CYYR1: variants seen among roughly 807,000 people sequenced by gnomAD.
The protein encoded by CYYR1 is cysteine and tyrosine rich 1.
Under a neutral mutation model 15.2 loss-of-function variants are expected in CYYR1, and 14 were observed. The observed-to-expected ratio is 0.92, with a 90% CI of 0.61 to 1.44. CYYR1 has a LOEUF of 1.44. Ranked by LOEUF, CYYR1 falls within the 40% of genes most tolerant of loss-of-function variation. The pLI, the probability that CYYR1 is intolerant of heterozygous loss-of-function variation, is 0.00. For missense variants in CYYR1, 228 were observed against 209.5 expected, an observed-to-expected ratio of 1.09 and a Z score of -0.54; for synonymous variants, 80 against 77.4, an observed-to-expected ratio of 1.03 and a Z score of -0.18.
At chr21:26,514,924 C>T (rs1312707707) in intron 2 of CYYR1, among the ~76,000 whole-genome samples, 2 of 152,188 alleles carry the variant, frequency 1.3e-5, no homozygotes, top group East Asian at 3.8e-4. Context: ...CTATATCATA[C>T]TTCTTCAATA....
At chr21:26,532,938 TG>T (rs1232741983) in intron 2 of CYYR1, among the ~76,000 whole-genome samples, 1 of 152,124 alleles carries the variant, frequency 6.6e-6, no homozygotes, top group Non-Finnish European at 1.5e-5. Flanking sequence ...TTATAAGGTA[TG>T]TATAAAACAT....
intron 2 of CYYR1, among the ~76,000 whole-genome samples, chr21:26,526,202 C>T (rs1424216576): frequency 6.6e-6 from 1 of 152,122 alleles, no homozygotes; most frequent in Non-Finnish European, 1.5e-5. Context: ...AATCCTAGCA[C>T]TTTGGGAGGC....
chr21:26,520,187 G>T (rs935053267), intron 2 of CYYR1, among the ~76,000 whole-genome samples: 7 of 147,006 alleles, frequency 4.8e-5, no homozygotes, highest in Non-Finnish European at 8.9e-5. Flanking sequence ...TGCCATGGTG[G>T]TTTGCTGCAC....
At chr21:26,526,823 T>A (rs2065872549) in intron 2 of CYYR1, among the ~76,000 whole-genome samples, 1 of 152,176 alleles carries the variant, frequency 6.6e-6, no homozygotes, top group South Asian at 2.1e-4. Context: ...TTAAGTTGTA[T>A]AATAATTTCT....
rs755437682 is a variant in CYYR1, at chr21:26,466,730, G to A, written c.*1771C>T. On this transcript the variant is annotated 3_prime_UTR_variant, in exon 4 of 4. Coordinates refer to ENST00000652641, the MANE Select transcript of CYYR1 (RefSeq NM_001320768.2). ...ACAGTGTAATTGGGTCTGACCACAC[G>A]CAGAAGAAAAATAAATTAAAGCATA... The A allele has an allele frequency of 2.6e-5, 4 of 152,128 alleles. No homozygotes were observed. Among genetic ancestry groups the A allele is most frequent in the Non-Finnish European group, 5.9e-5 (4 of 68,034 alleles). The allele number at this position is 152,128 out of a possible 1,614,324, so 9.4% of individuals were successfully genotyped here. A position where few individuals can be genotyped will look rare whatever the true frequency, so the allele number is the denominator to read the frequency against.
chr21:26,475,974 T>C (rs1431486131), intron 3 of CYYR1, among the ~76,000 whole-genome samples: 2 of 152,162 alleles, frequency 1.3e-5, no homozygotes, highest in Admixed American at 1.3e-4. Context: ...TTGTTTTTAA[T>C]ATTCAGTACA....
chr21:26,472,162 T>A (rs1443272606), intron 3 of CYYR1, among the ~76,000 whole-genome samples: 4 of 152,232 alleles, frequency 2.6e-5, no homozygotes, highest in Non-Finnish European at 5.9e-5. Flanking sequence ...GTATGGCCTA[T>A]ACTTTTTCAC....
intron 2 of CYYR1, among the ~76,000 whole-genome samples, chr21:26,506,403 A>G (rs933916617): frequency 1.3e-5 from 2 of 152,156 alleles, no homozygotes; most frequent in African/African-American, 4.8e-5. Flanking sequence ...CACGAATCCC[A>G]TAAATACTGT....
intron 2 of CYYR1, among the ~76,000 whole-genome samples, chr21:26,487,207 A>G (rs1397467209): frequency 1.3e-5 from 2 of 152,080 alleles, no homozygotes; most frequent in Non-Finnish European, 2.9e-5. Context: ...CAAAGGTAAA[A>G]GTATCAGAAG....
At chr21:26,489,483 G>A (rs993725879) in intron 2 of CYYR1, among the ~76,000 whole-genome samples, 9 of 151,768 alleles carry the variant, frequency 5.9e-5, no homozygotes, top group African/African-American at 1.9e-4. Context: ...GAATACATAT[G>A]ATTCAAAAAT....
chr21:26,547,147 C>T (rs1436774371), intron 2 of CYYR1, among the ~76,000 whole-genome samples: 1 of 152,078 alleles, frequency 6.6e-6, no homozygotes, highest in Non-Finnish European at 1.5e-5. Context: ...AGAAACTGAT[C>T]GCCTGAAATA....
At chr21:26,507,265 G>A (rs1177895295) in intron 2 of CYYR1, among the ~76,000 whole-genome samples, 1 of 152,074 alleles carries the variant, frequency 6.6e-6, no homozygotes, top group Non-Finnish European at 1.5e-5. Context: ...CTAGAGAGAG[G>A]TTTCAAGTTG....
intron 2 of CYYR1, among the ~76,000 whole-genome samples, chr21:26,497,720 G>T (rs78816354): frequency 6.6e-6 from 1 of 152,036 alleles, no homozygotes; most frequent in African/African-American, 2.4e-5. Context: ...ACACTGCCTC[G>T]TACAATGATA....
chr21:26,495,656 G>C (rs189246485), intron 2 of CYYR1, among the ~76,000 whole-genome samples: 1 of 152,192 alleles, frequency 6.6e-6, no homozygotes, highest in African/African-American at 2.4e-5. Context: ...AGGAGGCGGA[G>C]TCACACAGCC....
intron 2 of CYYR1, among the ~76,000 whole-genome samples, chr21:26,495,969 G>A (rs2065396742): frequency 6.6e-6 from 1 of 152,174 alleles, no homozygotes; most frequent in South Asian, 2.1e-4. Context: ...TTAGCTGAAT[G>A]TGCAGAGCAG....
chr21:26,542,096 T>C (rs1328235418), intron 2 of CYYR1, among the ~76,000 whole-genome samples: 2 of 152,174 alleles, frequency 1.3e-5, no homozygotes, highest in East Asian at 3.9e-4. Flanking sequence ...TTAAAAAGCA[T>C]GAACTATTTG....
intron 2 of CYYR1, among the ~76,000 whole-genome samples, chr21:26,537,297 T>C (rs1349165253): frequency 2.0e-5 from 3 of 152,212 alleles, no homozygotes; most frequent in Non-Finnish European, 4.4e-5. Context: ...GATACAAGTC[T>C]GCTTTACCTA....
At chr21:26,513,705 A>G (rs980314722) in intron 2 of CYYR1, among the ~76,000 whole-genome samples, 3 of 152,042 alleles carry the variant, frequency 2.0e-5, no homozygotes, top group African/African-American at 7.2e-5. Flanking sequence ...GGAGTTTAGC[A>G]AGGAGAGGAC....
intron 2 of CYYR1, 103 bp from the exon 3 acceptor site, chr21:26,480,532 T>TTCTTAAGG (rs2065163474): frequency 7.9e-7 from 1 of 1,266,004 alleles, no homozygotes; most frequent in Non-Finnish European, 1.1e-6. Flanking sequence ...CTTACAAATG[T>TTCTTAAGG]TCTTAAGGAT....
Sources: gnomAD v4.1 joint callset for allele counts (sites outside exome capture counted in the v4.1 genomes callset) on GRCh38, gnomAD v4.1.1 for gene constraint, MANE v1.5 for transcripts, NCBI Gene and HGNC (gene_info 2026-07-23, HGNC 2026-07-21) for gene names.